Variants in SLC4A7 observed in about 807,000 individuals in gnomAD.
SLC4A7 encodes solute carrier family 4 member 7.
A neutral mutation model predicts 137.6 loss-of-function variants in SLC4A7; 51 were observed. The observed-to-expected ratio is 0.37, with a 90% CI of 0.30 to 0.47. The LOEUF is 0.47. Among genes scored for constraint, SLC4A7 ranks in the 20% least tolerant of loss-of-function variants. The probability of loss-of-function intolerance (pLI) is 1.00; values close to 1 mark genes in which losing one functional copy is unlikely to be tolerated. For synonymous variants in SLC4A7, 542 were observed against 518.6 expected (o/e 1.05, Z -0.61); for missense variants, 1,247 against 1,525.4 (o/e 0.82, Z 3.04).
chr3:27,403,798 T>G (rs2053047720), intron 14 of SLC4A7, among the ~76,000 whole-genome samples: 1 of 152,154 alleles, frequency 6.6e-6, no homozygotes, highest in Admixed American at 6.5e-5. Context: ...ATCAATACAG[T>G]AACCAGCTCC....
In SLC4A7 at chr3:27,400,834, T is replaced by C; in HGVS notation, c.2357A>G (p.Glu786Gly). ...VCTEPPNPSN[E>G]TLAQWKKDNI... ...ATCTTTCTTCCATTGTGCTAGAGTTTCATTGCTGGGGTTTGGAGGTTCAGT... is the reference window on the plus strand; with the variant it reads ...ATCTTTCTTCCATTGTGCTAGAGTTCCATTGCTGGGGTTTGGAGGTTCAGT... Residue 786 changes from glutamate to glycine, a missense_variant, in exon 16 of 26, where the codon GAA (glutamate) becomes GGA (glycine). Glu to Gly is a moderately conservative substitution (Grantham distance 98). Coordinates refer to ENST00000454389, the MANE Select transcript of SLC4A7 (RefSeq NM_001321103.2). 1 of 1,608,418 alleles carries C rather than the reference T, an allele frequency of 6.2e-7. No homozygotes were observed. The highest frequency in any genetic ancestry group is 1.7e-5 in the Admixed American group (1 of 59,982).
chr3:27,437,635 A>AGAG, intron 3 of SLC4A7, 109 bp from the exon 4 acceptor site: 1 of 518,028 alleles, frequency 1.9e-6, no homozygotes, highest in Non-Finnish European at 3.1e-6. Context: ...AAACAAATAT[A>AGAG]TTTCATCAAA....
chr3:27,404,810 T>C lies in SLC4A7; in HGVS notation c.2075+20A>G, dbSNP rs2053174307. 1 of 1,553,128 alleles carries C rather than the reference T, an allele frequency of 6.4e-7. No homozygotes were observed. ...TTTCATATATAACACATGTGATAAG[T>C]AGAGAGGGCTATTACTTACCTGCAG... is the stretch of plus-strand genomic sequence containing the variant. On this transcript the variant is annotated intron_variant, in intron 14 of 25. Transcript: ENST00000454389.
chr3:27,422,416 C>T (rs532453337), intron 8 of SLC4A7, among the ~76,000 whole-genome samples: 9 of 152,080 alleles, frequency 5.9e-5, no homozygotes, highest in Admixed American at 2.6e-4. Flanking sequence ...TACAGGCATG[C>T]GCTACCACGC....
In SLC4A7 at chr3:27,397,357, C is replaced by G. The variant is rs534181473; in HGVS notation, c.2703+327G>C. ...AAAAAAATAAAGGCTGTTTCCTTCT[C>G]CCTGGAAGGTACAGCAAGAACTCCA... is the stretch of plus-strand genomic sequence containing the variant. On this transcript the variant is annotated intron_variant, in intron 18 of 25. Transcript: ENST00000454389. Among the ~76,000 whole-genome samples, 7 of 152,094 alleles carry G rather than the reference C, an allele frequency of 4.6e-5. No homozygotes were observed. In the South Asian group the frequency reaches 1.0e-3, roughly 23 times the overall value.
Position 27,403,789 on chromosome 3 carries a change from T to TCA in SLC4A7, c.2076-407_2076-406dup, listed in dbSNP as rs767675860. Among the ~76,000 whole-genome samples the TCA allele has an allele frequency of 9.3e-4, 142 of 152,238 alleles. 1 individual carries two copies. Among genetic ancestry groups the TCA allele is most frequent in the Admixed American group, 1.8e-3 (27 of 15,294 alleles). ...TCTAAAGATCCAGACATCATATGTATCAATACAGTAACCAGCTCCAACATC... is the reference window on the plus strand; with the variant it reads ...TCTAAAGATCCAGACATCATATGTATCACAATACAGTAACCAGCTCCAACATC... On this transcript the variant is annotated intron_variant, in intron 14 of 25. Transcript: ENST00000454389.
At chr3:27,414,795 T>C (rs1299536930) in intron 11 of SLC4A7, among the ~76,000 whole-genome samples, 1 of 152,188 alleles carries the variant, frequency 6.6e-6, no homozygotes, top group African/African-American at 2.4e-5. Flanking sequence ...GTTTACTAGT[T>C]TTTGAGCTTC....
At chr3:27,398,797 G>A (rs2052462656) in intron 16 of SLC4A7, among the ~76,000 whole-genome samples, 1 of 152,084 alleles carries the variant, frequency 6.6e-6, no homozygotes, top group Non-Finnish European at 1.5e-5. Context: ...TATGATGCTG[G>A]ATAAGAGATG....
At chr3:27,428,396 C>T (rs927366534) in intron 7 of SLC4A7, 2 of 154,312 alleles carry the variant, frequency 1.3e-5, no homozygotes, top group Non-Finnish European at 2.9e-5. Context: ...AAGCACTTAT[C>T]GCTGTCTCTG....
intron 10 of SLC4A7, among the ~76,000 whole-genome samples, chr3:27,418,985 T>C (rs2054664002): frequency 6.6e-6 from 1 of 152,184 alleles, no homozygotes; most frequent in African/African-American, 2.4e-5. Flanking sequence ...AAGAAAATAA[T>C]CATGGATATG....
intron 25 of SLC4A7, among the ~76,000 whole-genome samples, chr3:27,378,481 G>A (rs1305411757): frequency 1.3e-5 from 2 of 152,168 alleles, no homozygotes; most frequent in Non-Finnish European, 2.9e-5. Context: ...AGAGGCTTAA[G>A]GGATTAAAGT....
intron 6 of SLC4A7, among the ~76,000 whole-genome samples, chr3:27,432,576 C>T (rs2056402880): frequency 1.3e-5 from 2 of 152,076 alleles, no homozygotes; most frequent in Admixed American, 1.3e-4. Context: ...TATTCAATTC[C>T]ATATGGCCTA....
chr3:27,464,829 A>G (rs1012670097), intron 1 of SLC4A7, among the ~76,000 whole-genome samples: 1 of 152,058 alleles, frequency 6.6e-6, no homozygotes, highest in African/African-American at 2.4e-5. Context: ...AGTTCGCGCC[A>G]TTTGCAGTGG....
intron 1 of SLC4A7, among the ~76,000 whole-genome samples, chr3:27,466,319 T>C (rs13082704): frequency 0.21 from 32,372 of 150,928 alleles, 3,518 homozygotes; most frequent in Non-Finnish European, 0.25. Flanking sequence ...GGCGAGGTGG[T>C]GGGCACCTGT....
intron 1 of SLC4A7, among the ~76,000 whole-genome samples, chr3:27,478,754 G>A (rs1033944952): frequency 1.5e-4 from 23 of 151,184 alleles, no homozygotes; most frequent in Admixed American, 1.5e-3. Flanking sequence ...TTGGGAGGCC[G>A]TGGCAGGTGG....
intron 7 of SLC4A7, among the ~76,000 whole-genome samples, chr3:27,426,082 A>G (rs2055583188): frequency 6.6e-6 from 1 of 152,218 alleles, no homozygotes; most frequent in Non-Finnish European, 1.5e-5. Context: ...ACTATAACCA[A>G]TGAATACTGA....
chr3:27,482,906 G>A (rs560353139), intron 1 of SLC4A7, among the ~76,000 whole-genome samples: 1 of 152,242 alleles, frequency 6.6e-6, no homozygotes, highest in South Asian at 2.1e-4. Flanking sequence ...TTCTATGTTA[G>A]AGAACTTATA....
intron 3 of SLC4A7, among the ~76,000 whole-genome samples, chr3:27,439,395 G>C (rs1405813641): frequency 3.3e-5 from 5 of 152,072 alleles, no homozygotes; most frequent in South Asian, 2.1e-4. Flanking sequence ...CTAAGACCTA[G>C]GCAGGATTAA....
At chr3:27,392,698 G>A (rs1195485745) in intron 20 of SLC4A7, among the ~76,000 whole-genome samples, 8 of 151,756 alleles carry the variant, frequency 5.3e-5, no homozygotes, top group Non-Finnish European at 1.0e-4. Flanking sequence ...ATGGTGGCAC[G>A]TGCCTGTAGT....
Sources: gnomAD v4.1 joint callset for allele counts (sites outside exome capture counted in the v4.1 genomes callset) on GRCh38, gnomAD v4.1.1 for gene constraint, MANE v1.5 for transcripts, NCBI Gene and HGNC (gene_info 2026-07-23, HGNC 2026-07-21) for gene names.